Variants in GDAP1L1 observed in about 807,000 individuals in gnomAD.
GDAP1L1 encodes the protein ganglioside induced differentiation associated protein 1 like 1, also known as ganglioside-induced differentiation-associated protein 1-like 1.
Under a neutral mutation model 37.1 loss-of-function variants are expected in GDAP1L1, and 21 were observed. That is an observed-to-expected ratio of 0.57 (90% CI 0.40 to 0.81). The LOEUF (loss-of-function observed/expected upper bound fraction) is 0.81, where lower values mean the gene tolerates loss of function less well. GDAP1L1 is among the 40% of genes least tolerant of loss of function. The pLI, the probability that GDAP1L1 is intolerant of heterozygous loss-of-function variation, is 0.00. For synonymous variants in GDAP1L1, 193 were observed against 209.1 expected, an observed-to-expected ratio of 0.92 and a Z score of 0.67; for missense variants, 362 against 491.6, an observed-to-expected ratio of 0.74 and a Z score of 2.49.
Position 44,258,504 on chromosome 20 carries a change from G to C in GDAP1L1, c.444G>C (p.Leu148=). 1 of 1,565,152 alleles carries C rather than the reference G, an allele frequency of 6.4e-7. No homozygotes were observed. Among genetic ancestry groups the C allele is most frequent in the South Asian group, 1.2e-5 (1 of 84,980 alleles). ...CACGGGTGCTGCAGTACCGGGAGCTGCTGGACGCACTGCCCATGGATGCCT... is the reference window on the plus strand; with the variant it reads ...CACGGGTGCTGCAGTACCGGGAGCTCCTGGACGCACTGCCCATGGATGCCT... ...QHARVLQYRE[L]LDALPMDAYT... Residue 148 remains leucine (L), a synonymous_variant, in exon 3 of 6, where the codon CTG becomes CTC. Coordinates refer to ENST00000342560, the MANE Select transcript of GDAP1L1 (RefSeq NM_024034.6).
rs1469678179 is a variant in GDAP1L1, at chr20:44,257,314, C to T, written c.342C>T (p.Ile114=). The T allele has an allele frequency of 3.1e-6, 5 of 1,613,986 alleles. No homozygotes were observed. Among genetic ancestry groups the T allele is most frequent in the Admixed American group, 3.3e-5 (2 of 59,992 alleles). The change falls in exon 2 of 6, where the codon ATC becomes ATT. Residue 114 remains isoleucine (I), a synonymous_variant. Coordinates refer to ENST00000342560, the MANE Select transcript of GDAP1L1 (RefSeq NM_024034.6). ...ACATCATCAGTGACTATGACCAGAT[C>T]ATTGACTATGTGGAGCGCACCTTCA... ...RDNIISDYDQ[I]IDYVERTFTG... is the part of the protein sequence containing the mutation.
At chr20:44,259,633 C>T (rs2073637001) in intron 3 of GDAP1L1, among the ~76,000 whole-genome samples, 1 of 151,962 alleles carries the variant, frequency 6.6e-6, no homozygotes, top group Admixed American at 6.6e-5. Context: ...GTAGCTGGGA[C>T]CCCAGGCACA....
intron 1 of GDAP1L1, among the ~76,000 whole-genome samples, chr20:44,251,572 C>T (rs987766140): frequency 1.3e-5 from 2 of 152,200 alleles, no homozygotes; most frequent in African/African-American, 4.8e-5. Flanking sequence ...TGCACTTGAC[C>T]GTGTACCGCC....
chr20:44,247,244 G>C, upstream of GDAP1L1: 1 of 1,299,992 alleles, frequency 7.7e-7, no homozygotes, highest in South Asian at 1.2e-5. Flanking sequence ...AGGGAGGAGA[G>C]GGGCAGGCTC....
intron 3 of GDAP1L1, among the ~76,000 whole-genome samples, chr20:44,261,049 C>G (rs1285124763): frequency 2.6e-5 from 4 of 152,166 alleles, no homozygotes; most frequent in African/African-American, 9.7e-5. Context: ...TTTGAAGGTG[C>G]CTAGAAGGCA....
intron 5 of GDAP1L1, chr20:44,264,997 C>A: frequency 2.0e-6 from 2 of 985,338 alleles, no homozygotes; most frequent in Non-Finnish European, 2.4e-6. Flanking sequence ...CATGTCACAA[C>A]TGATACCACA....
intron 5 of GDAP1L1, among the ~76,000 whole-genome samples, chr20:44,277,991 TAA>T (rs1478865557): frequency 2.0e-5 from 3 of 151,864 alleles, no homozygotes; most frequent in African/African-American, 7.3e-5. Context: ...CTGTTTCTAC[TAA>T]AAATACAAAA....
At chr20:44,248,247 C>T (rs1249621930) in intron 1 of GDAP1L1, among the ~76,000 whole-genome samples, 1 of 152,220 alleles carries the variant, frequency 6.6e-6, no homozygotes, top group East Asian at 1.9e-4. Context: ...GTTCCCGCTT[C>T]CTGGGGGTAA....
At chr20:44,265,682 A>C (rs1356761487) in intron 5 of GDAP1L1, among the ~76,000 whole-genome samples, 1 of 152,190 alleles carries the variant, frequency 6.6e-6, no homozygotes, top group Non-Finnish European at 1.5e-5. Flanking sequence ...GTGAAAATTC[A>C]ATATACTCAG....
In GDAP1L1 at chr20:44,279,186, T is replaced by C. The variant is rs1199556329; in HGVS notation, c.990T>C (p.Ala330=). The C allele has an allele frequency of 6.2e-7, 1 of 1,614,056 alleles. No homozygotes were observed. The highest frequency in any genetic ancestry group is 1.3e-5 in the African/African-American group (1 of 74,930). Residue 330 remains alanine, a synonymous_variant, in exon 6 of 6, where the codon GCT becomes GCC. Transcript: ENST00000342560. ...TTLLSAVIPN[A]FRLVKRKPPS... ...TGCTGTCGGCCGTCATCCCCAATGCTTTCCGGCTGGTCAAGAGGAAACCCC... is the reference window on the plus strand; with the variant it reads ...TGCTGTCGGCCGTCATCCCCAATGCCTTCCGGCTGGTCAAGAGGAAACCCC...
intron 1 of GDAP1L1, among the ~76,000 whole-genome samples, chr20:44,248,068 C>T (rs755348539): frequency 6.6e-6 from 1 of 152,208 alleles, no homozygotes. Context: ...ACCCCCCACT[C>T]CGTGTCTTGA....
upstream of GDAP1L1, chr20:44,247,226 G>GGGGA (rs777821001): frequency 1.0e-5 from 11 of 1,093,380 alleles, no homozygotes; most frequent in South Asian, 5.5e-5. Flanking sequence ...TTCACGGAGC[G>GGGGA]GGGAGGGAGG....
rs764988544 is a variant in GDAP1L1, at chr20:44,247,464, A to G, written c.130A>G (p.Arg44Gly). The change falls in exon 1 of 6, where the codon AGG becomes GGG. Residue 44 changes from arginine (R) to glycine (G), a missense_variant. Arg to Gly is a moderately radical substitution (Grantham distance 125). Around this residue, in one of 2 missense-constraint regions of GDAP1L1, gnomAD observed 277 missense variants for 337.1 expected, o/e 0.82. Transcript: ENST00000342560. ...PEAASPAHWP[R>G]ESLVLYHWTQ... ...GGCGGCCAGCCCCGCCCATTGGCCC[A>G]GGGAGAGCCTGGTTCTGTACCACTG... 5 of 1,603,382 alleles carry G rather than the reference A, an allele frequency of 3.1e-6. No individual in the cohort carries two copies. The South Asian group carries it at 3.4e-5, about 11-fold the overall frequency.
At position 44,280,202 on chromosome 20, in the gene GDAP1L1, T is replaced by A. The variant is rs2062626892; in HGVS notation, c.*902T>A. 2 of 198,636 alleles carry A rather than the reference T, an allele frequency of 1.0e-5. No homozygotes were observed. The highest frequency in any genetic ancestry group is 2.1e-5 in the Non-Finnish European group (2 of 96,236). 12.3% of individuals were successfully genotyped at this position (198,636 alleles called of 1,614,324 possible). Reference sequence around the variant, plus strand: ...CCTGTCACTCCCGGGGCTGTCCCTGTACTACACGGTGCCATGGAGCCGGGG... The same window carrying A: ...CCTGTCACTCCCGGGGCTGTCCCTGAACTACACGGTGCCATGGAGCCGGGG... On this transcript the variant is annotated 3_prime_UTR_variant, in exon 6 of 6. Transcript: ENST00000342560.
chr20:44,264,626 T>C (rs756742943), intron 5 of GDAP1L1, 67 bp downstream of exon 5: 1 of 1,563,178 alleles, frequency 6.4e-7, no homozygotes, highest in Non-Finnish European at 8.7e-7. Context: ...CTGCCCAGTC[T>C]CAGCCTCTTT....
intron 1 of GDAP1L1, among the ~76,000 whole-genome samples, chr20:44,252,504 G>C (rs2073464312): frequency 6.6e-6 from 1 of 152,256 alleles, no homozygotes; most frequent in South Asian, 2.1e-4. Context: ...GCTGGGCGTG[G>C]TGGTGTGCAC....
chr20:44,262,244 G>A (rs75752748), intron 3 of GDAP1L1, among the ~76,000 whole-genome samples: 1,754 of 152,198 alleles, frequency 0.012, 38 homozygotes, highest in African/African-American at 0.041. Flanking sequence ...AAACCATCTA[G>A]GTGAGACATT....
intron 3 of GDAP1L1, among the ~76,000 whole-genome samples, chr20:44,260,100 C>A (rs2073644961): frequency 6.6e-6 from 1 of 152,192 alleles, no homozygotes. Flanking sequence ...CAAAGGTATT[C>A]ACTGCAGCAC....
At position 44,258,619 on chromosome 20, in the gene GDAP1L1, G is replaced by T. The variant is rs551523221; in HGVS notation, c.547+12G>T. 6.3e-7 allele frequency: 1 copy of T among 1,585,664 alleles called. No homozygotes were observed. Among genetic ancestry groups the T allele is most frequent in the Non-Finnish European group, 8.6e-7 (1 of 1,164,210 alleles). On this transcript the variant is annotated intron_variant, in intron 3 of 5. Coordinates refer to ENST00000342560, the MANE Select transcript of GDAP1L1 (RefSeq NM_024034.6). ...GGCCGAGATCCGCAGTGAGTGCCAGGGCGGCGAGACAGCCCCTCTGCTTTC... is the reference window on the plus strand; with the variant it reads ...GGCCGAGATCCGCAGTGAGTGCCAGTGCGGCGAGACAGCCCCTCTGCTTTC...
Sources: allele counts gnomAD v4.1 joint callset (sites outside exome capture counted in the v4.1 genomes callset), GRCh38; gene constraint gnomAD v4.1.1; regional missense constraint gnomAD v4.1.1; transcripts MANE v1.5; gene names NCBI Gene and HGNC (gene_info 2026-07-23, HGNC 2026-07-21).